CYFIP1: variants seen among roughly 807,000 people sequenced by gnomAD.
CYFIP1 encodes the protein cytoplasmic FMR1 interacting protein 1.
A neutral mutation model predicts 163.5 loss-of-function variants in CYFIP1; 58 were observed. The observed-to-expected ratio is 0.35, with a 90% CI of 0.29 to 0.44. The LOEUF (loss-of-function observed/expected upper bound fraction) is 0.44, where lower values mean the gene tolerates loss of function less well. Ranked by LOEUF, CYFIP1 falls within the 20% of genes least tolerant of loss-of-function variation. The pLI is 1.00. For synonymous variants in CYFIP1, 663 were observed against 660.7 expected (o/e 1.00, Z -0.05); for missense variants, 1,338 against 1,653.8 (o/e 0.81, Z 3.31).
At position 22,916,558 on chromosome 15, in the gene CYFIP1, T is replaced by C. The variant is rs1410274894; in HGVS notation, c.1747A>G (p.Ser583Gly). 1.9e-6 allele frequency: 3 copies of C among 1,614,160 alleles called. No homozygotes were observed. In the South Asian group the frequency reaches 3.3e-5, roughly 18 times the overall value. The change falls in exon 16 of 31, where the codon AGC (serine) becomes GGC (glycine). Residue 583 changes from serine to glycine, a missense_variant. This residue lies in a region of CYFIP1 where 824 missense variants were observed against 995.7 expected (regional missense o/e 0.83). Coordinates refer to ENST00000617928, the MANE Select transcript of CYFIP1 (RefSeq NM_014608.6). ...KSGSKKTLRSSLEGPTILDIE... is the reference protein window; with the variant it reads ...KSGSKKTLRSGLEGPTILDIE... Reference sequence around the variant, plus strand: ...TCCAATATGGTGGGCCCCTCAAGGCTACTTCTCAAGGTTTTCTTGGAACCA... The same window carrying C: ...TCCAATATGGTGGGCCCCTCAAGGCCACTTCTCAAGGTTTTCTTGGAACCA...
At chr15:22,875,327 CT>C in intron 26 of CYFIP1, 56 bp from the exon 27 acceptor site, 2 of 1,503,270 alleles carry the variant, frequency 1.3e-6, no homozygotes, top group Non-Finnish European at 1.9e-6. Flanking sequence ...AGAGAGCAAT[CT>C]GGTGCTGAAA....
rs2061037022 is a variant in CYFIP1 at position 22,917,744 on chromosome 15, T to TC, written c.1674+43dup. 6.6e-7 allele frequency: 1 copy of TC among 1,507,938 alleles called. No homozygotes were observed. The highest frequency in any genetic ancestry group is 8.9e-7 in the Non-Finnish European group (1 of 1,125,352). 93.4% of individuals were successfully genotyped at this position (1,507,938 alleles called of 1,614,324 possible). ...CCACCCGCTCACAGCTCAGGGTGGG[T>TC]CCCCCCAGGGAGAGGGTGCAGGCGG... On this transcript the variant is annotated intron_variant, in intron 15 of 30. Coordinates refer to ENST00000617928, the MANE Select transcript of CYFIP1 (RefSeq NM_014608.6). The surrounding 1 kb of genome is among the most constrained non-coding windows in gnomAD (Gnocchi z 4.2).
At chr15:22,960,865 C>T (rs2062654401) in intron 1 of CYFIP1, among the ~76,000 whole-genome samples, 1 of 152,208 alleles carries the variant, frequency 6.6e-6, no homozygotes, top group African/African-American at 2.4e-5. Context: ...CTGCAGGTGG[C>T]TTTGGGCCAG....
chr15:22,873,258 G>A (rs1176570605), intron 29 of CYFIP1, among the ~76,000 whole-genome samples: 2 of 152,022 alleles, frequency 1.3e-5, no homozygotes, highest in African/African-American at 2.4e-5. Flanking sequence ...AAAAATGCAC[G>A]CCCAACGTGC....
At chr15:22,897,736 G>A (rs1163239341) in intron 22 of CYFIP1, among the ~76,000 whole-genome samples, 1 of 152,126 alleles carries the variant, frequency 6.6e-6, no homozygotes, top group Non-Finnish European at 1.5e-5. Context: ...TGCCTGTCTT[G>A]GCCTCCCAAA....
intron 9 of CYFIP1, among the ~76,000 whole-genome samples, chr15:22,934,485 CTTTTTTTTTTTTTTTT>C (rs35881374): frequency 2.0e-5 from 1 of 49,798 alleles, no homozygotes; most frequent in South Asian, 9.2e-4. Flanking sequence ...GCACCCAGCC[CTTTTTTTTTTTTTTTT>C]TTTTTTTTTT....
chr15:22,939,257 G>C lies in CYFIP1; in HGVS notation c.730C>G (p.Leu244Val). ...YEELLADIVNLCVDYYENRMY... is the reference protein window; with the variant it reads ...YEELLADIVNVCVDYYENRMY... ...CTGTTCTCGTAGTAATCCACACACA[G>C]ATTCACAATATCTGCCAGGAGCTCT... Residue 244 changes from leucine to valine, a missense_variant, in exon 8 of 31, where the codon CTG becomes GTG. Physicochemically the swap from Leu to Val is conservative, Grantham distance 32 (BLOSUM62 1). Transcript: ENST00000617928. 6.2e-7 allele frequency: 1 copy of C among 1,614,186 alleles called. No individual in the cohort carries two copies. Among genetic ancestry groups the C allele is most frequent in the Non-Finnish European group, 8.5e-7 (1 of 1,180,030 alleles).
rs921898787 is a variant in CYFIP1 at position 22,873,493 on chromosome 15, G to C, written c.3447C>G (p.Val1149=). The change falls in exon 29 of 31, where the codon GTC becomes GTG. Residue 1149 remains valine (V), a splice_region_variant and synonymous_variant. Coordinates refer to ENST00000617928, the MANE Select transcript of CYFIP1 (RefSeq NM_014608.6). ...CIPVGTHEFT[V]EQCFGDGLHW... ...TCCTGCTCTCAGCACACACTTACTC[G>C]ACTGTGAACTCGTGTGTCCCCACGG... 1 of 1,611,702 alleles carries C rather than the reference G, an allele frequency of 6.2e-7. No individual in the cohort carries two copies. Among genetic ancestry groups the C allele is most frequent in the Non-Finnish European group, 8.5e-7 (1 of 1,178,030 alleles).
intron 18 of CYFIP1, among the ~76,000 whole-genome samples, chr15:22,911,326 A>G (rs1248388995): frequency 1.3e-5 from 2 of 152,154 alleles, no homozygotes; most frequent in African/African-American, 2.4e-5. Flanking sequence ...AAATATTCCT[A>G]TTCTCTGAAA....
chr15:22,907,625 G>C (rs2060628336), intron 21 of CYFIP1, among the ~76,000 whole-genome samples: 1 of 152,204 alleles, frequency 6.6e-6, no homozygotes, highest in Admixed American at 6.5e-5. Context: ...ACGGACGTGT[G>C]GCCATGCACC....
chr15:22,874,535 C>CA lies in CYFIP1; in HGVS notation c.3210+14dup. ...CCCAGCTTGCAACAGCCACAGCCAT[C>CA]ACGGTACACGTTACCTGAGGGGTCC... On this transcript the variant is annotated intron_variant, in intron 28 of 30. Coordinates refer to ENST00000617928, the MANE Select transcript of CYFIP1 (RefSeq NM_014608.6). 1 of 1,569,302 alleles carries CA rather than the reference C, an allele frequency of 6.4e-7. No individual in the cohort carries two copies. Among genetic ancestry groups the CA allele is most frequent in the Non-Finnish European group, 8.6e-7 (1 of 1,160,946 alleles).
At chr15:22,926,339 T>C (rs113810963) in intron 12 of CYFIP1, among the ~76,000 whole-genome samples, 3,167 of 152,208 alleles carry the variant, frequency 0.021, 40 homozygotes, top group Middle Eastern at 0.048. Context: ...GGATAGTGAG[T>C]GCTGAGTATC....
At chr15:22,939,577 A>AAG in intron 6 of CYFIP1, 70 bp from the exon 7 acceptor site, 3 of 1,062,602 alleles carry the variant, frequency 2.8e-6, no homozygotes, top group Non-Finnish European at 4.0e-6. Context: ...AAAAAAAAAA[A>AAG]AAAAGCCTGG....
At position 22,872,812 on chromosome 15, in the gene CYFIP1, T is replaced by A; in HGVS notation, c.3597+13A>T. ...AAAGGTCCATAGATGGTGCGAGATT[T>A]TCATCCACATACCACATTTTTAATA... On this transcript the variant is annotated intron_variant, in intron 30 of 30. Coordinates refer to ENST00000617928, the MANE Select transcript of CYFIP1 (RefSeq NM_014608.6). 1 of 1,613,356 alleles carries A rather than the reference T, an allele frequency of 6.2e-7. No homozygotes were observed. Among genetic ancestry groups the A allele is most frequent in the Admixed American group, 1.7e-5 (1 of 59,994 alleles).
chr15:22,934,007 C>A, intron 9 of CYFIP1, 114 bp from the exon 10 acceptor site: 2 of 645,910 alleles, frequency 3.1e-6, no homozygotes, highest in Non-Finnish European at 2.7e-6. Flanking sequence ...GCTACCTCTG[C>A]AAATGATTCA....
At chr15:22,933,440 A>G (rs1172598626) in intron 10 of CYFIP1, among the ~76,000 whole-genome samples, 4 of 150,124 alleles carry the variant, frequency 2.7e-5, no homozygotes, top group African/African-American at 7.4e-5. Flanking sequence ...TCAGCCTCCC[A>G]AGTAGCTGGG....
intron 5 of CYFIP1, 47 bp from the exon 6 acceptor site, chr15:22,943,401 G>A: frequency 1.3e-6 from 2 of 1,584,774 alleles, no homozygotes; most frequent in Non-Finnish European, 1.7e-6. Context: ...TCAGTGAGGA[G>A]CCAAGCCCAT....
rs1360152455 is a variant in CYFIP1 at position 22,926,012 on chromosome 15, G to A, written c.1329C>T (p.Tyr443=). The A allele has an allele frequency of 6.2e-7, 1 of 1,614,122 alleles. No homozygotes were observed. The highest frequency in any genetic ancestry group is 1.7e-5 in the Admixed American group (1 of 60,020). ...EEYERATRYN[Y]TSEEKFALVE... ...CTAGGGCAAACTTCTCCTCGCTGGTGTAGTTGTAGCGCGTGGCACGCTCGT... is the reference window on the plus strand; with the variant it reads ...CTAGGGCAAACTTCTCCTCGCTGGTATAGTTGTAGCGCGTGGCACGCTCGT... Residue 443 remains tyrosine, a synonymous_variant, in exon 13 of 31, where the codon TAC becomes TAT. Transcript: ENST00000617928.
intron 1 of CYFIP1, chr15:22,947,886 G>T: frequency 1.0e-6 from 1 of 957,212 alleles, no homozygotes; most frequent in Non-Finnish European, 1.2e-6. Flanking sequence ...GTGCAGAAAT[G>T]AAGGCAGACA....
Sources: allele counts gnomAD v4.1 joint callset (sites outside exome capture counted in the v4.1 genomes callset), GRCh38; gene constraint gnomAD v4.1.1; regional missense constraint gnomAD v4.1.1; non-coding constraint Gnocchi (gnomAD v3.1); transcripts MANE v1.5; gene names NCBI Gene and HGNC (gene_info 2026-07-23, HGNC 2026-07-21).